RAP1A: variants seen among roughly 807,000 people sequenced by gnomAD.
The protein encoded by RAP1A is RAP1A, member of RAS oncogene family, also known as ras-related protein Rap-1A.
Under a neutral mutation model 26.4 loss-of-function variants are expected in RAP1A, and 6 were observed. The ratio of observed to expected loss-of-function variants is 0.23; its 90% CI spans 0.12 to 0.45. The LOEUF (loss-of-function observed/expected upper bound fraction) is 0.45, where lower values mean the gene tolerates loss of function less well. Ranked by LOEUF, RAP1A falls within the 20% of genes least tolerant of loss-of-function variation. The probability of loss-of-function intolerance (pLI) is 0.99; values close to 1 mark genes in which losing one functional copy is unlikely to be tolerated. For missense variants in RAP1A, 121 were observed against 217.2 expected (o/e 0.56, Z 2.78); for synonymous variants, 73 against 79.4 (o/e 0.92, Z 0.43).
chr1:111,699,055 C>T (rs1661930613), intron 4 of RAP1A, among the ~76,000 whole-genome samples: 3 of 151,942 alleles, frequency 2.0e-5, no homozygotes, highest in South Asian at 4.2e-4. Context: ...TATCCAATAT[C>T]GTGTCTGTCT....
chr1:111,580,146 A>G (rs921044556), intron 1 of RAP1A, among the ~76,000 whole-genome samples: 2 of 152,188 alleles, frequency 1.3e-5, no homozygotes, highest in African/African-American at 2.4e-5. Context: ...TAATAGTTGT[A>G]TGCGTACTCA....
intron 1 of RAP1A, among the ~76,000 whole-genome samples, chr1:111,595,382 C>T (rs1021783603): frequency 6.6e-6 from 1 of 152,128 alleles, no homozygotes; most frequent in Non-Finnish European, 1.5e-5. Flanking sequence ...AATTGCCTGA[C>T]GTAAGGTCAC....
chr1:111,708,537 A>C (rs1662271744), intron 6 of RAP1A, among the ~76,000 whole-genome samples: 1 of 152,234 alleles, frequency 6.6e-6, no homozygotes, highest in Non-Finnish European at 1.5e-5. Context: ...TCCTGAATGG[A>C]TCCTGTCCTT....
chr1:111,621,902 AG>A (rs1659217556), intron 1 of RAP1A, among the ~76,000 whole-genome samples: 1 of 152,172 alleles, frequency 6.6e-6, no homozygotes, highest in East Asian at 1.9e-4. Context: ...CAAGAAGGAC[AG>A]TATCTACACT....
At chr1:111,684,672 A>G (rs1196628742) in intron 1 of RAP1A, among the ~76,000 whole-genome samples, 1 of 152,236 alleles carries the variant, frequency 6.6e-6, no homozygotes, top group East Asian at 1.9e-4. Context: ...GCTCATGGAT[A>G]GGAAGAATCA....
chr1:111,577,475 C>T (rs1658170653), intron 1 of RAP1A, among the ~76,000 whole-genome samples: 1 of 142,968 alleles, frequency 7.0e-6, no homozygotes, highest in South Asian at 2.2e-4. Flanking sequence ...TATCCGCTGA[C>T]ATATGGGTAT....
At chr1:111,695,434 A>G in intron 3 of RAP1A, 25 bp downstream of exon 3, 1 of 1,467,210 alleles carries the variant, frequency 6.8e-7, no homozygotes, top group Non-Finnish European at 9.2e-7. Context: ...TTGTACACAC[A>G]TGCTTACAAG....
At chr1:111,555,025 T>C (rs553660596) in intron 1 of RAP1A, among the ~76,000 whole-genome samples, 2 of 151,210 alleles carry the variant, frequency 1.3e-5, no homozygotes, top group South Asian at 2.1e-4. Flanking sequence ...CATTTAAAAG[T>C]AAGAGAACTA....
chr1:111,666,931 A>AATAGGGTTATGGAGCAAG (rs1660813570), intron 1 of RAP1A, among the ~76,000 whole-genome samples: 1 of 151,724 alleles, frequency 6.6e-6, no homozygotes, highest in African/African-American at 2.4e-5. Flanking sequence ...ATAGAGAGTA[A>AATAGGGTTATGGAGCAAG]ATAGGGATAT....
intron 1 of RAP1A, among the ~76,000 whole-genome samples, chr1:111,626,631 T>C (rs1659411232): frequency 6.6e-6 from 1 of 152,220 alleles, no homozygotes; most frequent in African/African-American, 2.4e-5. Flanking sequence ...TTGACAGTTT[T>C]ATTTTCAAGA....
chr1:111,712,043 A>C (rs1662401443), intron 7 of RAP1A, among the ~76,000 whole-genome samples: 1 of 152,140 alleles, frequency 6.6e-6, no homozygotes, highest in South Asian at 2.1e-4. Context: ...TTATGGAGGC[A>C]GGTGTGTCCT....
At position 111,709,374 on chromosome 1, in the gene RAP1A, A is replaced by G; in HGVS notation, c.*29+110A>G. 2.4e-6 allele frequency: 3 copies of G among 1,256,208 alleles called. No homozygotes were observed. The East Asian group carries it at 8.4e-5, about 35-fold the overall frequency. The allele number at this position is 1,256,208 out of a possible 1,614,324, so 77.8% of individuals were successfully genotyped here. On this transcript the variant is annotated intron_variant, in intron 7 of 7. Coordinates refer to ENST00000369709, the MANE Select transcript of RAP1A (RefSeq NM_002884.4). ...GTTATGGTATTTCTAAGCTTCTGTA[A>G]CTTGTAAATGTGATATATAACTTGT... is the stretch of plus-strand genomic sequence containing the variant.
intron 1 of RAP1A, among the ~76,000 whole-genome samples, chr1:111,607,007 A>T (rs925699291): frequency 2.9e-5 from 4 of 137,150 alleles, no homozygotes; most frequent in African/African-American, 6.6e-5. Context: ...ATTTTCTTTT[A>T]TTTATTTATT....
intron 1 of RAP1A, among the ~76,000 whole-genome samples, chr1:111,586,900 C>A (rs1658375272): frequency 6.6e-6 from 1 of 152,154 alleles, no homozygotes; most frequent in Non-Finnish European, 1.5e-5. Context: ...TCACCTAAGA[C>A]TCTGGAATCT....
intron 1 of RAP1A, among the ~76,000 whole-genome samples, chr1:111,679,517 CTTTTT>C (rs916713895): frequency 1.4e-4 from 21 of 151,270 alleles, no homozygotes; most frequent in African/African-American, 3.4e-4. Flanking sequence ...CTTTTCTTTT[CTTTTT>C]TTTTGTACCC....
At chr1:111,593,960 C>T (rs1292268293) in intron 1 of RAP1A, among the ~76,000 whole-genome samples, 1 of 152,146 alleles carries the variant, frequency 6.6e-6, no homozygotes, top group Non-Finnish European at 1.5e-5. Context: ...TGATCACAAG[C>T]TGTCTGGTTT....
chr1:111,684,407 C>T (rs770711961), intron 1 of RAP1A, among the ~76,000 whole-genome samples: 24 of 152,168 alleles, frequency 1.6e-4, no homozygotes, highest in Non-Finnish European at 2.9e-5. Flanking sequence ...ATCGTCTCAG[C>T]CCAAAAACTC....
At chr1:111,678,387 TA>T (rs1661192740) in intron 1 of RAP1A, among the ~76,000 whole-genome samples, 1 of 152,250 alleles carries the variant, frequency 6.6e-6, no homozygotes, top group African/African-American at 2.4e-5. Flanking sequence ...GCATTTTTTT[TA>T]ATTTCAATTT....
At chr1:111,619,701 G>A (rs979036563), upstream of RAP1A, 2 of 392,546 alleles carry the variant, frequency 5.1e-6, no homozygotes, top group African/African-American at 2.1e-5. Flanking sequence ...CGGGGCCGAA[G>A]CCCAGCCATC....
Sources: gnomAD v4.1 joint callset for allele counts (sites outside exome capture counted in the v4.1 genomes callset) on GRCh38, gnomAD v4.1.1 for gene constraint, MANE v1.5 for transcripts, NCBI Gene and HGNC (gene_info 2026-07-23, HGNC 2026-07-21) for gene names.